The following ATP2B1 variants were observed in gnomAD, a reference collection of about 807,000 sequenced individuals.
The protein encoded by ATP2B1 is plasma membrane calcium-transporting ATPase 1.
ATP2B1 carries 14 observed loss-of-function variants against 124.2 expected under a neutral mutation model. That is an observed-to-expected ratio of 0.11 (90% confidence interval 0.07 to 0.18). The LOEUF (loss-of-function observed/expected upper bound fraction) is 0.18, where lower values mean the gene tolerates loss of function less well. Ranked by LOEUF, ATP2B1 falls within the 10% of genes least tolerant of loss-of-function variation. The probability of loss-of-function intolerance (pLI) is 1.00; values close to 1 mark genes in which losing one functional copy is unlikely to be tolerated. For missense variants in ATP2B1, 763 were observed against 1,466.1 expected, an observed-to-expected ratio of 0.52 and a Z score of 7.83; for synonymous variants, 449 against 492.4, an observed-to-expected ratio of 0.91 and a Z score of 1.17.
intron 12 of ATP2B1, chr12:89,612,234 C>T (rs114065024): frequency 1.1e-3 from 166 of 152,204 alleles, no homozygotes; most frequent in African/African-American, 3.9e-3. Context: ...GATTCCTCAG[C>T]TGTTATACAC....
At chr12:89,690,182 TAATA>T (rs1890398730) in intron 1 of ATP2B1, among the ~76,000 whole-genome samples, 3 of 152,134 alleles carry the variant, frequency 2.0e-5, no homozygotes, top group Non-Finnish European at 4.4e-5. Context: ...ATATATAGCC[TAATA>T]AATGTTTATT....
At chr12:89,637,437 A>C (rs564738058) in intron 3 of ATP2B1, among the ~76,000 whole-genome samples, 1 of 151,446 alleles carries the variant, frequency 6.6e-6, no homozygotes, top group South Asian at 2.1e-4. Context: ...TTTGAGACAG[A>C]GTCTCACTTT....
intron 1 of ATP2B1, among the ~76,000 whole-genome samples, chr12:89,659,538 C>T (rs1175518247): frequency 6.6e-6 from 1 of 152,194 alleles, no homozygotes; most frequent in Non-Finnish European, 1.5e-5. Flanking sequence ...CTAGTAGTTA[C>T]TAGAGCTCAT....
chr12:89,695,386 C>T (rs773348156), intron 1 of ATP2B1, among the ~76,000 whole-genome samples: 2 of 151,914 alleles, frequency 1.3e-5, no homozygotes, highest in Non-Finnish European at 2.9e-5. Flanking sequence ...ACAGTTGTTA[C>T]GGTCTACCCT....
intron 3 of ATP2B1, 58 bp from the exon 4 acceptor site, chr12:89,635,309 A>G: frequency 6.5e-7 from 1 of 1,533,550 alleles, no homozygotes; most frequent in Non-Finnish European, 8.8e-7. Context: ...GACAACATAC[A>G]TATAGTACGT....
At chr12:89,677,969 TATACACACACAC>T (rs1317806529) in intron 1 of ATP2B1, among the ~76,000 whole-genome samples, 4 of 59,538 alleles carry the variant, frequency 6.7e-5, no homozygotes, top group South Asian at 6.5e-4. Context: ...TATATATATA[TATACACACACAC>T]ACACACACAC....
chr12:89,698,524 T>A (rs889000894), intron 1 of ATP2B1, among the ~76,000 whole-genome samples: 2 of 152,022 alleles, frequency 1.3e-5, no homozygotes, highest in Non-Finnish European at 2.9e-5. Context: ...GCACAAAAAA[T>A]TTAGGGGAAT....
chr12:89,604,120 A>T, intron 16 of ATP2B1, 35 bp downstream of exon 16: 4 of 1,586,442 alleles, frequency 2.5e-6, no homozygotes, highest in Non-Finnish European at 3.4e-6. Context: ...TTAAATTTAA[A>T]GTAAACAAGT....
intron 1 of ATP2B1, among the ~76,000 whole-genome samples, chr12:89,689,035 A>G (rs1164807876): frequency 1.3e-5 from 2 of 152,114 alleles, no homozygotes; most frequent in East Asian, 3.8e-4. Flanking sequence ...TTAGTTCACC[A>G]CATTCACTGA....
rs1443652388 is a variant in ATP2B1, at chr12:89,603,383, C to G, written c.2849-129G>C. 1.3e-6 allele frequency: 1 copy of G among 793,800 alleles called. No homozygotes were observed. Among genetic ancestry groups the G allele is most frequent in the African/African-American group, 1.8e-5 (1 of 57,092 alleles). 49.2% of individuals were successfully genotyped at this position (793,800 alleles called of 1,614,324 possible). A position where few individuals can be genotyped will look rare whatever the true frequency, so the allele number is the denominator to read the frequency against. ...GGCAGCATGGAAGGAGCTAGAGAAA[C>G]CTGGGATTATCTAGTACAACTCTCT... On this transcript the variant is annotated intron_variant, in intron 17 of 20. Transcript: ENST00000428670. The surrounding 1 kb of genome is among the most constrained non-coding windows in gnomAD (Gnocchi z 4.3).
intron 1 of ATP2B1, among the ~76,000 whole-genome samples, chr12:89,695,136 A>G (rs1565925067): frequency 6.6e-6 from 1 of 151,988 alleles, no homozygotes; most frequent in Non-Finnish European, 1.5e-5. Context: ...GTTTGACAGC[A>G]GATTCTAGAA....
At chr12:89,662,765 T>C (rs531241653) in intron 1 of ATP2B1, among the ~76,000 whole-genome samples, 1 of 152,258 alleles carries the variant, frequency 6.6e-6, no homozygotes, top group East Asian at 1.9e-4. Context: ...TGACTAAAAT[T>C]AGTCCTACTC....
Position 89,682,446 on chromosome 12 carries a change from C to T in ATP2B1, c.-222+26150G>A, listed in dbSNP as rs541834577. 2.0e-5 allele frequency among the ~76,000 whole-genome samples: 3 copies of T among 152,198 alleles called. No individual in the cohort carries two copies. In the South Asian group the frequency reaches 6.2e-4, roughly 32 times the overall value. On this transcript the variant is annotated intron_variant, in intron 1 of 20. Transcript: ENST00000428670. The stretch of plus-strand genomic sequence containing the variant: ...AAGATGATGGAAATATTAGCTCTAC[C>T]AGATACTAAAATACACTGTAAAGTC...
chr12:89,670,239 G>A (rs1887776118), intron 1 of ATP2B1, among the ~76,000 whole-genome samples: 1 of 152,124 alleles, frequency 6.6e-6, no homozygotes, highest in East Asian at 1.9e-4. Flanking sequence ...GAGCTAATCT[G>A]TCAGAGGAGC....
chr12:89,621,078 A>G (rs1257431201), intron 10 of ATP2B1, among the ~76,000 whole-genome samples: 4 of 152,154 alleles, frequency 2.6e-5, no homozygotes, highest in Non-Finnish European at 4.4e-5. Flanking sequence ...GAATTACTTT[A>G]CTGCATTAGT....
chr12:89,646,989 T>C (rs1222485020), intron 2 of ATP2B1, among the ~76,000 whole-genome samples: 1 of 152,136 alleles, frequency 6.6e-6, no homozygotes, highest in Non-Finnish European at 1.5e-5. Flanking sequence ...GCTGCAATGT[T>C]TGTCTAATAC....
At chr12:89,679,077 A>C (rs912091407) in intron 1 of ATP2B1, among the ~76,000 whole-genome samples, 27 of 152,146 alleles carry the variant, frequency 1.8e-4, no homozygotes, top group African/African-American at 5.8e-4. Flanking sequence ...TCACTATTTT[A>C]GGCTCTCAGA....
At chr12:89,597,273 G>T (rs1436149113) in intron 20 of ATP2B1, among the ~76,000 whole-genome samples, 1 of 152,124 alleles carries the variant, frequency 6.6e-6, no homozygotes, top group African/African-American at 2.4e-5. Context: ...GCAATTTATG[G>T]TTACCATTTT....
At chr12:89,661,277 A>G (rs1190458814) in intron 1 of ATP2B1, among the ~76,000 whole-genome samples, 1 of 152,194 alleles carries the variant, frequency 6.6e-6, no homozygotes, top group African/African-American at 2.4e-5. Context: ...GGAGTGATTA[A>G]GCAAGTATTA....
Sources: gnomAD v4.1 joint callset for allele counts (sites outside exome capture counted in the v4.1 genomes callset) on GRCh38, gnomAD v4.1.1 for gene constraint, Gnocchi (gnomAD v3.1) non-coding constraint, MANE v1.5 for transcripts, NCBI Gene and HGNC (gene_info 2026-07-23, HGNC 2026-07-21) for gene names.